UPF3A: variants seen among roughly 807,000 people sequenced by gnomAD.
The protein encoded by UPF3A is regulator of nonsense transcripts 3A.
UPF3A carries 42 observed loss-of-function variants against 53.5 expected under a neutral mutation model. That is an observed-to-expected ratio of 0.78 (90% CI 0.61 to 1.01). UPF3A has a LOEUF of 1.01. Among genes scored for constraint, UPF3A ranks in the 50% least tolerant of loss-of-function variants. The probability of loss-of-function intolerance (pLI) is 0.00; values close to 1 mark genes in which losing one functional copy is unlikely to be tolerated. For synonymous variants in UPF3A, 237 were observed against 225.3 expected, an observed-to-expected ratio of 1.05 and a Z score of -0.47; for missense variants, 575 against 598.0, an observed-to-expected ratio of 0.96 and a Z score of 0.40.
chr13:114,283,027 T>A (rs2084281601), intron 3 of UPF3A, 84 bp downstream of exon 3: 4 of 1,103,290 alleles, frequency 3.6e-6, no homozygotes, highest in Non-Finnish European at 5.2e-6. Flanking sequence ...CTTTTTAAAT[T>A]ATTATTATTT....
intron 7 of UPF3A, among the ~76,000 whole-genome samples, chr13:114,296,611 G>A (rs1336290326): frequency 6.6e-6 from 1 of 152,066 alleles, no homozygotes; most frequent in African/African-American, 2.4e-5. Flanking sequence ...CAAATCTGAG[G>A]AGAGGCCATC....
At chr13:114,289,927 G>A (rs538139934) in intron 5 of UPF3A, among the ~76,000 whole-genome samples, 1 of 152,356 alleles carries the variant, frequency 6.6e-6, no homozygotes, top group African/African-American at 2.4e-5. Context: ...GGAGTCTGGG[G>A]TCAGCCTCCC....
chr13:114,294,913 C>T (rs1006944356), intron 7 of UPF3A, among the ~76,000 whole-genome samples: 2 of 151,160 alleles, frequency 1.3e-5, no homozygotes, highest in African/African-American at 4.9e-5. Context: ...GAGATCGAGA[C>T]CATCCTGGCT....
rs984141435 is a variant in UPF3A, at chr13:114,305,475, T to C, written c.*558T>C. 5.6e-5 allele frequency: 9 copies of C among 160,980 alleles called. No individual in the cohort carries two copies. Among genetic ancestry groups the C allele is most frequent in the African/African-American group, 2.2e-4 (9 of 41,542 alleles). 10.0% of individuals were successfully genotyped at this position (160,980 alleles called of 1,614,324 possible). ...TTCACACTATATAAAACCCAACAGC[T>C]TCAACTATTGCCCTTTCAACAGTTT... On this transcript the variant is annotated 3_prime_UTR_variant, in exon 10 of 10. Transcript: ENST00000375299.
intron 9 of UPF3A, among the ~76,000 whole-genome samples, chr13:114,304,415 C>T (rs1440954656): frequency 6.6e-6 from 1 of 152,186 alleles, no homozygotes; most frequent in Non-Finnish European, 1.5e-5. Flanking sequence ...CAGGGATAAG[C>T]CCCATGGAAA....
chr13:114,286,767 GT>G, intron 5 of UPF3A, 138 bp downstream of exon 5: 1 of 704,230 alleles, frequency 1.4e-6, no homozygotes, highest in South Asian at 2.2e-5. Flanking sequence ...GTGATTTCCA[GT>G]TTTGACAAAA....
chr13:114,282,316 G>T, intron 2 of UPF3A, 189 bp downstream of exon 2: 1 of 859,222 alleles, frequency 1.2e-6, no homozygotes, highest in Non-Finnish European at 1.7e-6. Flanking sequence ...AAGAAACACA[G>T]ATGTGGTTTA....
intron 3 of UPF3A, 183 bp from the exon 4 acceptor site, chr13:114,286,119 A>G (rs1307239549): frequency 1.3e-6 from 1 of 758,456 alleles, no homozygotes; most frequent in Non-Finnish European, 2.0e-6. Context: ...TTGAAAGTGT[A>G]ATAAAATTGT....
chr13:114,304,651 A>G (rs1201334089), intron 9 of UPF3A, 138 bp from the exon 10 acceptor site: 4 of 1,244,776 alleles, frequency 3.2e-6, no homozygotes, highest in Non-Finnish European at 4.5e-6. Context: ...TAGTGCTGTG[A>G]AAAAAGGGCT....
intron 3 of UPF3A, 188 bp from the exon 4 acceptor site, chr13:114,286,114 A>G: frequency 1.4e-6 from 1 of 719,454 alleles, no homozygotes. Flanking sequence ...GGTGCTTGAA[A>G]GTGTAATAAA....
chr13:114,297,811 A>G (rs1207807041), intron 7 of UPF3A, among the ~76,000 whole-genome samples: 1 of 152,196 alleles, frequency 6.6e-6, no homozygotes, highest in East Asian at 1.9e-4. Flanking sequence ...CCTGGGTGAC[A>G]GAGTGAGACG....
At position 114,301,834 on chromosome 13, in the gene UPF3A, G is replaced by A. The variant is rs145387476; in HGVS notation, c.1111G>A (p.Ala371Thr). Residue 371 changes from alanine (A) to threonine (T), a missense_variant, in exon 9 of 10, where the codon GCT becomes ACT. Transcript: ENST00000375299. Reference protein sequence around the residue: ...YHVDDGRRHRAHHEPERLSRR... With the variant: ...YHVDDGRRHRTHHEPERLSRR... ...TGTGGATGACGGCAGGAGGCACAGA[G>A]CTCACCACGAGCCTGAACGGCTTTC... 4.2e-5 allele frequency: 67 copies of A among 1,613,752 alleles called. No homozygotes were observed. In the Middle Eastern group the frequency reaches 1.4e-3, roughly 33 times the overall value.
intron 5 of UPF3A, among the ~76,000 whole-genome samples, chr13:114,290,253 T>C (rs1221593449): frequency 2.0e-5 from 3 of 152,138 alleles, no homozygotes. Flanking sequence ...AGACTGTCCC[T>C]GGGGAAGGGC....
At position 114,281,624 on chromosome 13, in the gene UPF3A, C is replaced by G. The variant is rs911337011; in HGVS notation, c.-16C>G. Reference sequence around the variant, plus strand: ...TCGTCGGGGGCTGGCGGCTGCGGCTCGGCGGAGAGTGCGGCATGCGCTCGG... The same window carrying G: ...TCGTCGGGGGCTGGCGGCTGCGGCTGGGCGGAGAGTGCGGCATGCGCTCGG... On this transcript the variant is annotated 5_prime_UTR_variant, in exon 1 of 10. Transcript: ENST00000375299. 65 of 1,420,558 alleles carry G rather than the reference C, an allele frequency of 4.6e-5. No homozygotes were observed. In the Admixed American group the frequency reaches 5.2e-4, roughly 11 times the overall value. The allele number at this position is 1,420,558 out of a possible 1,614,324, so 88.0% of individuals were successfully genotyped here. A position where few individuals can be genotyped will look rare whatever the true frequency, so the allele number is the denominator to read the frequency against.
intron 7 of UPF3A, among the ~76,000 whole-genome samples, chr13:114,296,824 G>A (rs192440750): frequency 8.5e-5 from 13 of 152,302 alleles, no homozygotes; most frequent in Non-Finnish European, 1.8e-4. Flanking sequence ...TGAAAAAGAC[G>A]TGCAGTGTCA....
chr13:114,301,718 T>C lies in UPF3A; in HGVS notation c.1008-13T>C. 2 of 1,599,984 alleles carry C rather than the reference T, an allele frequency of 1.3e-6. No individual in the cohort carries two copies. Among genetic ancestry groups the C allele is most frequent in the African/African-American group, 1.3e-5 (1 of 74,646 alleles). Reference sequence around the variant, plus strand: ...GTTTACTGCAGTTGCTGATCATTTGTGTTGAATCATAGGTCACACAGCGGC... The same window carrying C: ...GTTTACTGCAGTTGCTGATCATTTGCGTTGAATCATAGGTCACACAGCGGC... On this transcript the variant is annotated splice_polypyrimidine_tract_variant and intron_variant, in intron 8 of 9. Coordinates refer to ENST00000375299, the MANE Select transcript of UPF3A (RefSeq NM_023011.4).
chr13:114,285,459 C>G (rs2084589451), intron 3 of UPF3A: 1 of 152,176 alleles, frequency 6.6e-6, no homozygotes, highest in African/African-American at 2.4e-5. Context: ...CCCCCTGAGT[C>G]TTGACTTTAT....
chr13:114,303,742 C>T (rs1383481019), intron 9 of UPF3A, among the ~76,000 whole-genome samples: 2 of 151,860 alleles, frequency 1.3e-5, no homozygotes, highest in Non-Finnish European at 2.9e-5. Context: ...GCCCAGATTG[C>T]GCCATTGCAC....
chr13:114,281,625 G>C lies in UPF3A; in HGVS notation c.-15G>C. 1 of 1,422,870 alleles carries C rather than the reference G, an allele frequency of 7.0e-7. No individual in the cohort carries two copies. Among genetic ancestry groups the C allele is most frequent in the Non-Finnish European group, 9.2e-7 (1 of 1,088,946 alleles). 88.1% of individuals were successfully genotyped at this position (1,422,870 alleles called of 1,614,324 possible). A position where few individuals can be genotyped will look rare whatever the true frequency, so the allele number is the denominator to read the frequency against. On this transcript the variant is annotated 5_prime_UTR_variant, in exon 1 of 10. Transcript: ENST00000375299. ...CGTCGGGGGCTGGCGGCTGCGGCTC[G>C]GCGGAGAGTGCGGCATGCGCTCGGA...
Sources: allele counts gnomAD v4.1 joint callset (sites outside exome capture counted in the v4.1 genomes callset), GRCh38; gene constraint gnomAD v4.1.1; transcripts MANE v1.5; gene names NCBI Gene and HGNC (gene_info 2026-07-23, HGNC 2026-07-21).